Variants in PCDHGA3 observed in about 807,000 individuals in gnomAD.
The protein encoded by PCDHGA3 is protocadherin gamma-A3.
PCDHGA3 carries 40 observed loss-of-function variants against 58.5 expected under a neutral mutation model. The ratio of observed to expected loss-of-function variants is 0.68; its 90% CI spans 0.53 to 0.89. PCDHGA3 has a LOEUF of 0.89. Among genes scored for constraint, PCDHGA3 ranks in the 40% least tolerant of loss-of-function variants. The pLI is 0.00. For synonymous variants in PCDHGA3, 530 were observed against 525.7 expected (o/e 1.01, Z -0.11); for missense variants, 1,223 against 1,195.9 (o/e 1.02, Z -0.33).
Position 141,486,487 on chromosome 5 carries a change from C to G in PCDHGA3, c.2425-8320C>G. The G allele has an allele frequency of 6.2e-7, 1 of 1,614,086 alleles. No homozygotes were observed. The highest frequency in any genetic ancestry group is 1.1e-5 in the South Asian group (1 of 91,074). ...CTGGGAACCCTCCTCTCAGTACCCA[C>G]AGAACTATTTTCCTCAATATTTCAG... On this transcript the variant is annotated intron_variant, in intron 1 of 3. Coordinates refer to ENST00000253812, the MANE Select transcript of PCDHGA3 (RefSeq NM_018916.4). This position sits in a 1 kb window ranked among gnomAD's most constrained non-coding sequence, Gnocchi z 5.0.
chr5:141,441,740 G>T (rs1241907865), intron 1 of PCDHGA3: 2 of 364,772 alleles, frequency 5.5e-6, no homozygotes, highest in Non-Finnish European at 1.1e-5. Context: ...ACTAGCTCGC[G>T]CTCGGCGTCA....
intron 1 of PCDHGA3, chr5:141,385,051 C>A (rs1222079447): frequency 6.2e-7 from 1 of 1,614,154 alleles, no homozygotes; most frequent in East Asian, 2.2e-5. Flanking sequence ...CAGGCTGCGG[C>A]GCTGGCACAA....
At chr5:141,356,338 G>T in intron 1 of PCDHGA3, 2 of 1,554,674 alleles carry the variant, frequency 1.3e-6, no homozygotes, top group Non-Finnish European at 1.7e-6. Flanking sequence ...AGGAGGAAAT[G>T]GCCTAGTCAC....
At position 141,379,889 on chromosome 5, in the gene PCDHGA3, C is replaced by CTTTTTTTTTTTTTTTTTTTTT. The variant is rs70988800; in HGVS notation, c.2424+33442_2424+33462dup. The stretch of plus-strand genomic sequence containing the variant: ...CTTATTTTATGGTCTGTGAAAGCCT[C>CTTTTTTTTTTTTTTTTTTTTT]TTTTTTTTTTTTTTTTTTTTTTTTT... On this transcript the variant is annotated intron_variant, in intron 1 of 3. Coordinates refer to ENST00000253812, the MANE Select transcript of PCDHGA3 (RefSeq NM_018916.4). Among the ~76,000 whole-genome samples, 100 of 50,832 alleles carry CTTTTTTTTTTTTTTTTTTTTT rather than the reference C, an allele frequency of 2.0e-3. 11 individuals are homozygous for CTTTTTTTTTTTTTTTTTTTTT. The highest frequency in any genetic ancestry group is 2.9e-3 in the Non-Finnish European group (74 of 25,884). 33.3% of individuals were successfully genotyped at this position (50,832 alleles called of 152,430 possible).
At chr5:141,434,784 A>T (rs967716221) in intron 1 of PCDHGA3, among the ~76,000 whole-genome samples, 11 of 150,278 alleles carry the variant, frequency 7.3e-5, no homozygotes, top group East Asian at 5.8e-4. Flanking sequence ...AAAAAAAAAA[A>T]TTTTTTTTTC....
chr5:141,379,520 C>T (rs1262594059), intron 1 of PCDHGA3: 1 of 152,194 alleles, frequency 6.6e-6, no homozygotes, highest in East Asian at 1.9e-4. Context: ...ACATCTTGAG[C>T]ATTTGTTGTT....
intron 1 of PCDHGA3, chr5:141,371,629 G>C (rs749054700): frequency 2.2e-5 from 36 of 1,613,866 alleles, no homozygotes; most frequent in Middle Eastern, 1.6e-4. Context: ...GCCCTGGACC[G>C]GGAGCAGATC....
chr5:141,499,268 G>C (rs564234341), intron 2 of PCDHGA3, among the ~76,000 whole-genome samples: 1 of 152,224 alleles, frequency 6.6e-6, no homozygotes, highest in South Asian at 2.1e-4. Flanking sequence ...TTGGTCCCTA[G>C]ACTGTTCTCT....
At chr5:141,383,441 C>T (rs529896434) in intron 1 of PCDHGA3, 15 of 1,613,978 alleles carry the variant, frequency 9.3e-6, no homozygotes, top group South Asian at 7.7e-5. Flanking sequence ...TTCTCCCTGG[C>T]TGTGCAAAGT....
intron 1 of PCDHGA3, among the ~76,000 whole-genome samples, chr5:141,369,320 G>T (rs775938147): frequency 6.6e-6 from 1 of 152,104 alleles, no homozygotes. Flanking sequence ...TACTTGAGAA[G>T]AAACAGTACA....
At position 141,491,794 on chromosome 5, in the gene PCDHGA3, TC is replaced by T; in HGVS notation, c.2425-3011del. On this transcript the variant is annotated intron_variant, in intron 1 of 3. Transcript: ENST00000253812. This position sits in a 1 kb window ranked among gnomAD's most constrained non-coding sequence, Gnocchi z 6.9. ...GGGATTGAACTTGCATCCACTCCTC[TC>T]CGGCCGGCTTGGTCGCTGGCTGCGC... is the stretch of plus-strand genomic sequence containing the variant. The T allele has an allele frequency of 6.6e-7, 1 of 1,511,056 alleles. No individual in the cohort carries two copies. The highest frequency in any genetic ancestry group is 8.8e-7 in the Non-Finnish European group (1 of 1,130,146). The allele number at this position is 1,511,056 out of a possible 1,614,324, so 93.6% of individuals were successfully genotyped here.
chr5:141,432,087 C>G lies in PCDHGA3; in HGVS notation c.2425-62720C>G. On this transcript the variant is annotated intron_variant, in intron 1 of 3. Coordinates refer to ENST00000253812, the MANE Select transcript of PCDHGA3 (RefSeq NM_018916.4). This position sits in a 1 kb window ranked among gnomAD's most constrained non-coding sequence, Gnocchi z 6.0. ...GAAACTCATATCTCGCTGAACGTGG[C>G]AGACACCAACGACAACCCGCCGGTC... 3 of 1,614,178 alleles carry G rather than the reference C, an allele frequency of 1.9e-6. No homozygotes were observed. The highest frequency in any genetic ancestry group is 2.5e-6 in the Non-Finnish European group (3 of 1,180,042).
intron 1 of PCDHGA3, chr5:141,356,230 G>A (rs551700676): frequency 1.9e-5 from 31 of 1,592,426 alleles, no homozygotes; most frequent in Non-Finnish European, 2.5e-5. Context: ...AAATGACAAC[G>A]CACCAGAAGT....
At chr5:141,430,405 A>T (rs1163049877) in intron 1 of PCDHGA3, among the ~76,000 whole-genome samples, 1 of 152,124 alleles carries the variant, frequency 6.6e-6, no homozygotes, top group Non-Finnish European at 1.5e-5. Flanking sequence ...AAGCTCACTA[A>T]AGTTTCTATT....
chr5:141,432,715 C>T lies in PCDHGA3; in HGVS notation c.2425-62092C>T. 1 of 1,613,996 alleles carries T rather than the reference C, an allele frequency of 6.2e-7. No individual in the cohort carries two copies. The highest frequency in any genetic ancestry group is 8.5e-7 in the Non-Finnish European group (1 of 1,179,970). ...TGGCCGTCCAGGACCACGGCCAGCC[C>T]CCTCTCTCCGCCACTGTCACGCTCA... On this transcript the variant is annotated intron_variant, in intron 1 of 3. Transcript: ENST00000253812. This position sits in a 1 kb window ranked among gnomAD's most constrained non-coding sequence, Gnocchi z 6.0.
intron 1 of PCDHGA3, among the ~76,000 whole-genome samples, chr5:141,473,922 A>T (rs1025156251): frequency 2.0e-5 from 3 of 152,182 alleles, no homozygotes; most frequent in South Asian, 2.1e-4. Flanking sequence ...GAAAACTATG[A>T]GCTGGGTGCA....
chr5:141,432,887 T>A lies in PCDHGA3; in HGVS notation c.2425-61920T>A, dbSNP rs146168033. On this transcript the variant is annotated intron_variant, in intron 1 of 3. Coordinates refer to ENST00000253812, the MANE Select transcript of PCDHGA3 (RefSeq NM_018916.4). The surrounding 1 kb of genome is among the most constrained non-coding windows in gnomAD (Gnocchi z 6.0). ...CTGCGTCTTCCTGGCCTTCGTCATC[T>A]TGCTGCTGGCGCTCAGGCTGCGGCG... 1.2e-6 allele frequency: 2 copies of A among 1,614,056 alleles called. No homozygotes were observed. Among genetic ancestry groups the A allele is most frequent in the Non-Finnish European group, 1.7e-6 (2 of 1,179,998 alleles).
rs372458558 is a variant in PCDHGA3, at chr5:141,384,112, G to A, written c.2424+37655G>A. On this transcript the variant is annotated intron_variant, in intron 1 of 3. Transcript: ENST00000253812. ...ATCAATAGATAATTATTATAGATTG[G>A]TCACAACCAAAAACTTGGACCGGGA... The A allele has an allele frequency of 8.1e-6, 13 of 1,605,274 alleles. No individual in the cohort carries two copies. The South Asian group carries it at 8.9e-5, about 11-fold the overall frequency.
chr5:141,511,462 C>T lies in PCDHGA3; in HGVS notation c.*289C>T, dbSNP rs1385398410. On this transcript the variant is annotated 3_prime_UTR_variant, in exon 4 of 4. Transcript: ENST00000253812. Reference sequence around the variant, plus strand: ...AGACACCAAGAACCATTTGCCACACCCCGTTTAGTTACAGCTGAACTCCTC... The same window carrying T: ...AGACACCAAGAACCATTTGCCACACTCCGTTTAGTTACAGCTGAACTCCTC... 5.4e-6 allele frequency: 3 copies of T among 556,350 alleles called. No individual in the cohort carries two copies. In the South Asian group the frequency reaches 6.3e-5, roughly 12 times the overall value. 34.5% of individuals were successfully genotyped at this position (556,350 alleles called of 1,614,324 possible).
Sources: gnomAD v4.1 joint callset for allele counts (sites outside exome capture counted in the v4.1 genomes callset) on GRCh38, gnomAD v4.1.1 for gene constraint, Gnocchi (gnomAD v3.1) non-coding constraint, MANE v1.5 for transcripts, NCBI Gene and HGNC (gene_info 2026-07-23, HGNC 2026-07-21) for gene names.